The following TAOK1 variants were observed in gnomAD, a reference collection of about 807,000 sequenced individuals.
TAOK1 encodes serine/threonine-protein kinase TAO1.
In TAOK1, 21 loss-of-function variants were observed where a neutral mutation model predicts 138.3. That is an observed-to-expected ratio of 0.15 (90% CI 0.11 to 0.22). The LOEUF is 0.22. Among genes scored for constraint, TAOK1 ranks in the 10% least tolerant of loss-of-function variants. The probability of loss-of-function intolerance (pLI) is 1.00; values close to 1 mark genes in which losing one functional copy is unlikely to be tolerated. For missense variants in TAOK1, 651 were observed against 1,227.7 expected, an observed-to-expected ratio of 0.53 and a Z score of 7.02; for synonymous variants, 361 against 398.4, an observed-to-expected ratio of 0.91 and a Z score of 1.12.
At chr17:29,434,811 C>G (rs976060020) in intron 1 of TAOK1, among the ~76,000 whole-genome samples, 9 of 152,172 alleles carry the variant, frequency 5.9e-5, no homozygotes, top group Non-Finnish European at 1.0e-4. Flanking sequence ...CTGGATCCCT[C>G]AGATCCAGTT....
chr17:29,536,550 A>G lies in TAOK1; in HGVS notation c.2544+2250A>G, dbSNP rs1441290309. On this transcript the variant is annotated intron_variant, in intron 19 of 19. Coordinates refer to ENST00000261716, the MANE Select transcript of TAOK1 (RefSeq NM_020791.4). ...GGGAGGCGGAGGTTGCAGTGATCCA[A>G]GATCACGCCACTGCACTCCAGCCTG... is the stretch of plus-strand genomic sequence containing the variant. 2.0e-5 allele frequency among the ~76,000 whole-genome samples: 3 copies of G among 151,204 alleles called. No homozygotes were observed. The South Asian group carries it at 6.3e-4, about 32-fold the overall frequency.
intron 16 of TAOK1, among the ~76,000 whole-genome samples, chr17:29,519,498 G>A (rs752441936): frequency 3.3e-4 from 49 of 148,488 alleles, no homozygotes; most frequent in Non-Finnish European, 6.4e-4. Flanking sequence ...CGGTCTGGGC[G>A]ACAGAGCAAG....
chr17:29,464,968 G>A (rs1347304927), intron 2 of TAOK1, among the ~76,000 whole-genome samples: 2 of 151,272 alleles, frequency 1.3e-5, no homozygotes, highest in East Asian at 3.9e-4. Context: ...CGACAGACAT[G>A]TGCCACTATG....
intron 19 of TAOK1, among the ~76,000 whole-genome samples, chr17:29,541,533 T>G (rs1236528999): frequency 6.6e-6 from 1 of 151,226 alleles, no homozygotes; most frequent in Admixed American, 6.6e-5. Context: ...CCCAGCACTT[T>G]GGGAGGCTGA....
chr17:29,543,025 TA>T lies in TAOK1; in HGVS notation c.*5del. ...GGTCACACATGTCTTATACATAACT[TA>T]ATAATTGAGAGTGGCAATTCCGCTG... On this transcript the variant is annotated 3_prime_UTR_variant, in exon 20 of 20. Coordinates refer to ENST00000261716, the MANE Select transcript of TAOK1 (RefSeq NM_020791.4). 6.4e-7 allele frequency: 1 copy of T among 1,558,046 alleles called. No individual in the cohort carries two copies. The highest frequency in any genetic ancestry group is 1.2e-5 in the South Asian group (1 of 85,036).
intron 1 of TAOK1, among the ~76,000 whole-genome samples, chr17:29,399,689 A>T (rs1307654655): frequency 1.3e-5 from 2 of 152,074 alleles, no homozygotes; most frequent in African/African-American, 4.8e-5. Context: ...TAGCTTAGTA[A>T]CTTTTTGCAC....
intron 1 of TAOK1, among the ~76,000 whole-genome samples, chr17:29,391,439 CT>C (rs756666638): frequency 6.6e-6 from 1 of 152,072 alleles, no homozygotes; most frequent in Non-Finnish European, 1.5e-5. Flanking sequence ...ATTCCACCCC[CT>C]AGCACAGGAA....
chr17:29,515,684 A>C (rs971611000), intron 15 of TAOK1, among the ~76,000 whole-genome samples: 10 of 151,842 alleles, frequency 6.6e-5, no homozygotes, highest in Non-Finnish European at 5.9e-5. Flanking sequence ...AAATACAAAA[A>C]ATTAGCTGGG....
chr17:29,535,910 T>C (rs1019455653), intron 19 of TAOK1, among the ~76,000 whole-genome samples: 5 of 152,110 alleles, frequency 3.3e-5, no homozygotes, highest in Non-Finnish European at 7.4e-5. Flanking sequence ...AAGATGTTAC[T>C]ATTTCTCTAG....
At chr17:29,415,549 A>G (rs1325808432) in intron 1 of TAOK1, among the ~76,000 whole-genome samples, 3 of 152,194 alleles carry the variant, frequency 2.0e-5, no homozygotes, top group Non-Finnish European at 4.4e-5. Context: ...TGAGTGTGAA[A>G]TGGTACTTCT....
chr17:29,488,675 T>C (rs2031231846), intron 8 of TAOK1, among the ~76,000 whole-genome samples: 1 of 151,868 alleles, frequency 6.6e-6, no homozygotes, highest in African/African-American at 2.4e-5. Context: ...GGTTGAAATA[T>C]TTCGGTTGGT....
chr17:29,397,684 C>CATGTATGATGCATGTATAT (rs1555555367), intron 1 of TAOK1, among the ~76,000 whole-genome samples: 2 of 128,116 alleles, frequency 1.6e-5, no homozygotes, highest in East Asian at 2.2e-4. Flanking sequence ...TACATGTATA[C>CATGTATGATGCATGTATAT]ATGTATATTC....
chr17:29,431,424 G>A (rs145094460), intron 1 of TAOK1, among the ~76,000 whole-genome samples: 1,636 of 151,864 alleles, frequency 0.011, 36 homozygotes, highest in African/African-American at 0.037. Context: ...CCCGGGCAAC[G>A]GAGCGAGACC....
rs1485386464 is a variant in TAOK1, at chr17:29,544,319, A to C, written c.*1297A>C. On this transcript the variant is annotated 3_prime_UTR_variant, in exon 20 of 20. Coordinates refer to ENST00000261716, the MANE Select transcript of TAOK1 (RefSeq NM_020791.4). ...CTGCATGTGCAGGTCCTCTATTTTT[A>C]ATTGCTGTTTTCGTTGCTGCAGTAC... 6.6e-6 allele frequency: 1 copy of C among 152,502 alleles called. No individual in the cohort carries two copies. The highest frequency in any genetic ancestry group is 1.5e-5 in the Non-Finnish European group (1 of 68,004). 9.4% of individuals were successfully genotyped at this position (152,502 alleles called of 1,614,324 possible). A position where few individuals can be genotyped will look rare whatever the true frequency, so the allele number is the denominator to read the frequency against.
At chr17:29,399,578 G>A (rs1036470210) in intron 1 of TAOK1, among the ~76,000 whole-genome samples, 1 of 152,228 alleles carries the variant, frequency 6.6e-6, no homozygotes, top group Non-Finnish European at 1.5e-5. Flanking sequence ...GCCTCCCAAA[G>A]TGCTGGGATT....
At chr17:29,408,615 T>C in intron 1 of TAOK1, among the ~76,000 whole-genome samples, 1 of 152,250 alleles carries the variant, frequency 6.6e-6, no homozygotes, top group East Asian at 1.9e-4. Flanking sequence ...ATCACTTTAA[T>C]AATAGAGTAA....
At chr17:29,459,151 T>C (rs2030470941) in intron 2 of TAOK1, among the ~76,000 whole-genome samples, 1 of 152,212 alleles carries the variant, frequency 6.6e-6, no homozygotes, top group Non-Finnish European at 1.5e-5. Context: ...CTTCTGACTC[T>C]GGCTTCTGTC....
intron 1 of TAOK1, among the ~76,000 whole-genome samples, chr17:29,426,794 T>G (rs1283434610): frequency 6.6e-6 from 1 of 152,188 alleles, no homozygotes; most frequent in African/African-American, 2.4e-5. Context: ...TTCTCTAACT[T>G]AGATCTGAGC....
intron 16 of TAOK1, among the ~76,000 whole-genome samples, chr17:29,520,112 C>T (rs1391523084): frequency 6.7e-6 from 1 of 148,454 alleles, no homozygotes; most frequent in African/African-American, 2.5e-5. Context: ...ACCTGGGAGG[C>T]GGAGGTTGCA....
Sources: gnomAD v4.1 joint callset for allele counts (sites outside exome capture counted in the v4.1 genomes callset) on GRCh38, gnomAD v4.1.1 for gene constraint, MANE v1.5 for transcripts, NCBI Gene and HGNC (gene_info 2026-07-23, HGNC 2026-07-21) for gene names.